The following CPNE8 variants were observed in gnomAD, a reference collection of about 807,000 sequenced individuals.
CPNE8 encodes the protein copine-8.
In CPNE8, 45 loss-of-function variants were observed where a neutral mutation model predicts 81.5. That is an observed-to-expected ratio of 0.55 (90% CI 0.44 to 0.71). CPNE8 has a LOEUF of 0.71. Among genes scored for constraint, CPNE8 ranks in the 30% least tolerant of loss-of-function variants. The pLI, the probability that CPNE8 is intolerant of heterozygous loss-of-function variation, is 0.00. For missense variants in CPNE8, 594 were observed against 672.1 expected, an observed-to-expected ratio of 0.88 and a Z score of 1.28; for synonymous variants, 252 against 226.3, an observed-to-expected ratio of 1.11 and a Z score of -1.02.
At chr12:38,843,952 G>C (rs1194495810) in intron 4 of CPNE8, among the ~76,000 whole-genome samples, 1 of 152,110 alleles carries the variant, frequency 6.6e-6, no homozygotes, top group African/African-American at 2.4e-5. Context: ...AACAGAGTAA[G>C]ATGGTTCTAA....
rs186299187 is a variant in CPNE8, at chr12:38,855,296, A to C, written c.187-6634T>G. Among the ~76,000 whole-genome samples the C allele has an allele frequency of 3.7e-3, 556 of 152,230 alleles. 2 individuals are homozygous for C. The highest frequency in any genetic ancestry group is 0.013 in the African/African-American group (533 of 41,592). Reference sequence around the variant, plus strand: ...CATGGACTGAAAATTGAATATAGCTAAAATGGCCATATTACATAAATGATG... The same window carrying C: ...CATGGACTGAAAATTGAATATAGCTCAAATGGCCATATTACATAAATGATG... On this transcript the variant is annotated intron_variant, in intron 3 of 19. Coordinates refer to ENST00000331366, the MANE Select transcript of CPNE8 (RefSeq NM_153634.3).
chr12:38,723,232 A>G (rs944055234), intron 13 of CPNE8, among the ~76,000 whole-genome samples: 3 of 152,174 alleles, frequency 2.0e-5, no homozygotes, highest in Non-Finnish European at 4.4e-5. Context: ...AAGAACTTAT[A>G]GTACATTACC....
chr12:38,879,618 CTCTT>C (rs1944121735), intron 1 of CPNE8, among the ~76,000 whole-genome samples: 1 of 152,102 alleles, frequency 6.6e-6, no homozygotes, highest in African/African-American at 2.4e-5. Context: ...ATGCTACTCA[CTCTT>C]TCCTGCTCAG....
At chr12:38,727,008 C>T (rs999191575) in intron 11 of CPNE8, among the ~76,000 whole-genome samples, 9 of 152,142 alleles carry the variant, frequency 5.9e-5, no homozygotes, top group East Asian at 3.9e-4. Flanking sequence ...CAGTAGCATC[C>T]GTCACTTCTA....
chr12:38,767,396 A>G (rs1242365213), intron 8 of CPNE8, among the ~76,000 whole-genome samples: 2 of 152,224 alleles, frequency 1.3e-5, no homozygotes, highest in South Asian at 2.1e-4. Flanking sequence ...TTATAATTGT[A>G]TAACAAATAA....
At position 38,744,163 on chromosome 12, in the gene CPNE8, C is replaced by T. The variant is rs550760057; in HGVS notation, c.723-13805G>A. Among the ~76,000 whole-genome samples, 47 of 152,226 alleles carry T rather than the reference C, an allele frequency of 3.1e-4. No homozygotes were observed. The East Asian group carries it at 4.6e-3, about 15-fold the overall frequency. On this transcript the variant is annotated intron_variant, in intron 10 of 19. Transcript: ENST00000331366. The stretch of plus-strand genomic sequence containing the variant: ...TCACATAAAGGGAACCAGAGTAAAA[C>T]ACAGAGAGGTCTTGGAAACATCTGT...
chr12:38,671,846 T>C lies in CPNE8; in HGVS notation c.1433-1044A>G, dbSNP rs549227606. The stretch of plus-strand genomic sequence containing the variant: ...AATGCTTGGGCTGAAACGCTGCTAG[T>C]ATACATAATTAACAGAGAGCTACTG... On this transcript the variant is annotated intron_variant, in intron 18 of 19. Transcript: ENST00000331366. Among the ~76,000 whole-genome samples the C allele has an allele frequency of 2.0e-5, 3 of 152,240 alleles. No homozygotes were observed. In the South Asian group the frequency reaches 6.2e-4, roughly 32 times the overall value.
At chr12:38,898,174 T>A (rs1405833149) in intron 1 of CPNE8, among the ~76,000 whole-genome samples, 2 of 152,186 alleles carry the variant, frequency 1.3e-5, no homozygotes, top group African/African-American at 4.8e-5. Flanking sequence ...TGTGGGATCC[T>A]GTCCTTTAAA....
At chr12:38,672,445 A>T (rs966591816) in intron 18 of CPNE8, among the ~76,000 whole-genome samples, 1 of 152,000 alleles carries the variant, frequency 6.6e-6, no homozygotes, top group African/African-American at 2.4e-5. Context: ...GGTCAGGTCT[A>T]CTCTTCAGGT....
At chr12:38,710,068 T>G (rs1237018139) in intron 13 of CPNE8, among the ~76,000 whole-genome samples, 1 of 151,950 alleles carries the variant, frequency 6.6e-6, no homozygotes, top group Non-Finnish European at 1.5e-5. Flanking sequence ...TCAATAAAAC[T>G]TTCTAATTTC....
chr12:38,827,188 T>C (rs1048558320), intron 6 of CPNE8, among the ~76,000 whole-genome samples: 2 of 143,362 alleles, frequency 1.4e-5, no homozygotes, highest in African/African-American at 5.1e-5. Context: ...AAAAAAAAAG[T>C]ATACCACATA....
intron 13 of CPNE8, among the ~76,000 whole-genome samples, chr12:38,709,893 A>G (rs1042239125): frequency 6.6e-6 from 1 of 152,058 alleles, no homozygotes; most frequent in Non-Finnish European, 1.5e-5. Context: ...GTAATTGTAA[A>G]CTTTGACTTT....
chr12:38,898,422 A>T (rs929910639), intron 1 of CPNE8, among the ~76,000 whole-genome samples: 2 of 152,144 alleles, frequency 1.3e-5, no homozygotes, highest in Admixed American at 6.5e-5. Flanking sequence ...CCTAAATATG[A>T]TCAAAAAAGG....
intron 5 of CPNE8, among the ~76,000 whole-genome samples, chr12:38,831,547 T>C (rs1382148604): frequency 1.3e-5 from 2 of 152,210 alleles, no homozygotes; most frequent in Non-Finnish European, 2.9e-5. Context: ...CCACATCTGA[T>C]ACTTGGATAC....
At chr12:38,752,959 G>T (rs762942279) in intron 10 of CPNE8, among the ~76,000 whole-genome samples, 1 of 152,188 alleles carries the variant, frequency 6.6e-6, no homozygotes, top group Non-Finnish European at 1.5e-5. Context: ...GACAAGAAAA[G>T]ATGATAGATT....
chr12:38,833,027 T>C (rs1336076576), intron 5 of CPNE8, among the ~76,000 whole-genome samples: 1 of 150,312 alleles, frequency 6.7e-6, no homozygotes, highest in African/African-American at 2.4e-5. Flanking sequence ...TGTACATTTC[T>C]TTTCCCTCAG....
chr12:38,785,185 C>A (rs891655266), intron 6 of CPNE8, among the ~76,000 whole-genome samples: 2 of 142,898 alleles, frequency 1.4e-5, no homozygotes, highest in African/African-American at 5.3e-5. Flanking sequence ...GAGACTCTGT[C>A]TCTGAAAAAA....
chr12:38,737,977 C>T (rs1187950233), intron 10 of CPNE8, among the ~76,000 whole-genome samples: 4 of 152,106 alleles, frequency 2.6e-5, no homozygotes, highest in Non-Finnish European at 5.9e-5. Context: ...CTGGCATATC[C>T]TCTCTCTCTG....
chr12:38,816,026 A>C (rs1041407356), intron 6 of CPNE8, among the ~76,000 whole-genome samples: 2 of 152,168 alleles, frequency 1.3e-5, no homozygotes, highest in African/African-American at 4.8e-5. Flanking sequence ...CTATCTATCT[A>C]TCCATCTACA....
Sources: gnomAD v4.1 joint callset for allele counts (sites outside exome capture counted in the v4.1 genomes callset) on GRCh38, gnomAD v4.1.1 for gene constraint, MANE v1.5 for transcripts, NCBI Gene and HGNC (gene_info 2026-07-23, HGNC 2026-07-21) for gene names.